Variants in PITPNC1 observed in about 807,000 individuals in gnomAD.
The protein encoded by PITPNC1 is cytoplasmic phosphatidylinositol transfer protein 1.
Under a neutral mutation model 44.7 loss-of-function variants are expected in PITPNC1, and 18 were observed. The observed-to-expected ratio is 0.40, with a 90% CI of 0.28 to 0.60. The LOEUF (loss-of-function observed/expected upper bound fraction) is 0.60. Ranked by LOEUF, PITPNC1 falls within the 20% of genes least tolerant of loss-of-function variation. The pLI is 0.39. For synonymous variants in PITPNC1, 141 were observed against 149.6 expected (o/e 0.94, Z 0.42); for missense variants, 290 against 418.4 (o/e 0.69, Z 2.68).
At chr17:67,616,382 C>T (rs1412521877) in intron 5 of PITPNC1, among the ~76,000 whole-genome samples, 1 of 152,198 alleles carries the variant, frequency 6.6e-6, no homozygotes. Flanking sequence ...CTGAGGTGAT[C>T]CACCAGCCTT....
chr17:67,665,373 G>A (rs559765005), intron 6 of PITPNC1, among the ~76,000 whole-genome samples: 10 of 152,218 alleles, frequency 6.6e-5, no homozygotes, highest in African/African-American at 2.2e-4. Context: ...GGTTACAGGC[G>A]TGAGCCACTG....
intron 1 of PITPNC1, among the ~76,000 whole-genome samples, chr17:67,393,335 C>A (rs1216173798): frequency 1.3e-5 from 2 of 152,022 alleles, no homozygotes; most frequent in Non-Finnish European, 2.9e-5. Flanking sequence ...TTTCTCCCTA[C>A]CCCAAAGCCC....
intron 1 of PITPNC1, among the ~76,000 whole-genome samples, chr17:67,425,314 G>A (rs1349869849): frequency 6.7e-6 from 1 of 149,970 alleles, no homozygotes. Context: ...GAATCACCAT[G>A]GTATGGGAGA....
intron 2 of PITPNC1, among the ~76,000 whole-genome samples, chr17:67,538,401 A>C (rs1322174053): frequency 6.6e-6 from 1 of 152,160 alleles, no homozygotes; most frequent in Non-Finnish European, 1.5e-5. Context: ...GGAGTTCAAG[A>C]CCAGACTGGG....
chr17:67,641,986 A>G (rs368299663), intron 6 of PITPNC1, among the ~76,000 whole-genome samples: 2 of 152,074 alleles, frequency 1.3e-5, no homozygotes, highest in Non-Finnish European at 2.9e-5. Context: ...TGTTGAGTCA[A>G]TGGACATATG....
chr17:67,546,232 T>C (rs2040681156), intron 2 of PITPNC1, among the ~76,000 whole-genome samples: 3 of 151,750 alleles, frequency 2.0e-5, no homozygotes. Flanking sequence ...CTAGAATATA[T>C]ACTTTTATAT....
At chr17:67,690,448 CAAAAAA>C (rs58085156) in intron 8 of PITPNC1, among the ~76,000 whole-genome samples, 4 of 113,400 alleles carry the variant, frequency 3.5e-5, no homozygotes, top group Admixed American at 9.1e-5. Context: ...AACTCTGTCT[CAAAAAA>C]AAAAAAAAAG....
intron 6 of PITPNC1, among the ~76,000 whole-genome samples, chr17:67,633,803 C>CG (rs1410258552): frequency 6.6e-6 from 1 of 152,250 alleles, no homozygotes; most frequent in African/African-American, 2.4e-5. Context: ...CGGGCCCCCC[C>CG]GGGCTGCTGT....
At chr17:67,654,412 CAT>C (rs1598937627) in intron 6 of PITPNC1, among the ~76,000 whole-genome samples, 2 of 152,302 alleles carry the variant, frequency 1.3e-5, no homozygotes, top group African/African-American at 2.4e-5. Flanking sequence ...ACAATAAACT[CAT>C]AGTAATCCTA....
intron 8 of PITPNC1, among the ~76,000 whole-genome samples, chr17:67,684,113 ATTTTTT>A (rs35849301): frequency 7.4e-6 from 1 of 135,878 alleles, no homozygotes; most frequent in African/African-American, 2.8e-5. Flanking sequence ...AAAATAACAA[ATTTTTT>A]TTTTTTTTTT....
At chr17:67,621,985 C>A (rs1014462847) in intron 5 of PITPNC1, among the ~76,000 whole-genome samples, 4 of 152,044 alleles carry the variant, frequency 2.6e-5, no homozygotes, top group African/African-American at 9.7e-5. Flanking sequence ...TTGCACCAAC[C>A]TAATATTTAA....
intron 1 of PITPNC1, among the ~76,000 whole-genome samples, chr17:67,529,176 G>T (rs1196617485): frequency 6.6e-6 from 1 of 152,162 alleles, no homozygotes; most frequent in African/African-American, 2.4e-5. Context: ...GCCCTCCACC[G>T]GCTGTTGGTG....
At chr17:67,530,292 C>T (rs550402013) in intron 1 of PITPNC1, among the ~76,000 whole-genome samples, 6 of 151,856 alleles carry the variant, frequency 4.0e-5, no homozygotes, top group South Asian at 2.1e-4. Flanking sequence ...GGGGATTCAC[C>T]GTGATCGCCA....
At chr17:67,451,016 C>G (rs2039167346) in intron 1 of PITPNC1, among the ~76,000 whole-genome samples, 1 of 151,990 alleles carries the variant, frequency 6.6e-6, no homozygotes, top group Non-Finnish European at 1.5e-5. Flanking sequence ...CAGCTGTAGC[C>G]CATATCAGAA....
At chr17:67,559,662 G>A (rs2040881538) in intron 4 of PITPNC1, among the ~76,000 whole-genome samples, 2 of 152,080 alleles carry the variant, frequency 1.3e-5, no homozygotes, top group African/African-American at 2.4e-5. Context: ...TGAGATAGGC[G>A]GATCACTTGA....
intron 1 of PITPNC1, among the ~76,000 whole-genome samples, chr17:67,385,115 G>A (rs1436533279): frequency 6.6e-6 from 1 of 152,182 alleles, no homozygotes; most frequent in Non-Finnish European, 1.5e-5. Context: ...GAAGCCAGTT[G>A]GACTTCTTGG....
chr17:67,586,687 T>TC (rs1383967398), intron 5 of PITPNC1, among the ~76,000 whole-genome samples: 3 of 152,158 alleles, frequency 2.0e-5, no homozygotes, highest in Admixed American at 1.3e-4. Flanking sequence ...TAACCATGAT[T>TC]CCACTGCCAA....
Position 67,402,592 on chromosome 17 carries a change from C to T in PITPNC1, c.48+24390C>T, listed in dbSNP as rs78678350. 2.2e-3 allele frequency among the ~76,000 whole-genome samples: 332 copies of T among 152,226 alleles called. 1 individual carries two copies. The highest frequency in any genetic ancestry group is 7.7e-3 in the African/African-American group (320 of 41,544). The stretch of plus-strand genomic sequence containing the variant: ...AAACAAGCAGCCATACCACAGCAGC[C>T]GTAACCATAGGACTTTGAAACAAAT... On this transcript the variant is annotated intron_variant, in intron 1 of 8. Coordinates refer to ENST00000581322, the MANE Select transcript of PITPNC1 (RefSeq NM_012417.4).
At chr17:67,533,216 C>T (rs1180295271) in intron 2 of PITPNC1, among the ~76,000 whole-genome samples, 1 of 152,132 alleles carries the variant, frequency 6.6e-6, no homozygotes, top group Non-Finnish European at 1.5e-5. Context: ...GCTATACTCA[C>T]AGTACTGCAC....
Sources: allele counts gnomAD v4.1 joint callset (sites outside exome capture counted in the v4.1 genomes callset), GRCh38; gene constraint gnomAD v4.1.1; transcripts MANE v1.5; gene names NCBI Gene and HGNC (gene_info 2026-07-23, HGNC 2026-07-21).